Variants in LIG1 observed in about 807,000 individuals in gnomAD.
The protein encoded by LIG1 is DNA ligase 1.
In LIG1, 70 loss-of-function variants were observed where a neutral mutation model predicts 115.7. The ratio of observed to expected loss-of-function variants is 0.60; its 90% CI spans 0.50 to 0.74. The LOEUF (loss-of-function observed/expected upper bound fraction) is 0.74, where lower values mean the gene tolerates loss of function less well. Ranked by LOEUF, LIG1 falls within the 30% of genes least tolerant of loss-of-function variation. LIG1 has a pLI of 0.00. For missense variants in LIG1, 1,115 were observed against 1,225.6 expected (o/e 0.91, Z 1.35); for synonymous variants, 487 against 495.3 (o/e 0.98, Z 0.22).
chr19:48,137,371 G>T lies in LIG1; in HGVS notation c.1254+151C>A. 1.0e-6 allele frequency: 1 copy of T among 989,784 alleles called. No homozygotes were observed. The allele number at this position is 989,784 out of a possible 1,614,324, so 61.3% of individuals were successfully genotyped here. A position where few individuals can be genotyped will look rare whatever the true frequency, so the allele number is the denominator to read the frequency against. The stretch of plus-strand genomic sequence containing the variant: ...CTGAAGAGGAGACTCCCCTAGGATT[G>T]GGTGCAGGAAGGAGGAGAGGAAGCT... On this transcript the variant is annotated intron_variant, in intron 13 of 27. Coordinates refer to ENST00000263274, the MANE Select transcript of LIG1 (RefSeq NM_000234.3). The surrounding 1 kb of genome is among the most constrained non-coding windows in gnomAD (Gnocchi z 4.3).
rs3731014 is a variant in LIG1, at chr19:48,122,535, G to A, written c.2232+399C>T. Among the ~76,000 whole-genome samples, 23,019 of 152,136 alleles carry A rather than the reference G, an allele frequency of 0.15. 2,052 individuals are homozygous for A. Among genetic ancestry groups the A allele is most frequent in the African/African-American group, 0.25 (10,566 of 41,472 alleles). On this transcript the variant is annotated intron_variant, in intron 23 of 27. Transcript: ENST00000263274. This position sits in a 1 kb window ranked among gnomAD's most constrained non-coding sequence, Gnocchi z 4.3. Reference sequence around the variant, plus strand: ...GGGAAAGACTCTTCCTGATCATCCGGGGCACTCCCAGCCCCGCCTTGCTGG... The same window carrying A: ...GGGAAAGACTCTTCCTGATCATCCGAGGCACTCCCAGCCCCGCCTTGCTGG...
chr19:48,132,845 G>A, intron 18 of LIG1, 137 bp downstream of exon 18: 4 of 713,870 alleles, frequency 5.6e-6, no homozygotes, highest in Non-Finnish European at 1.1e-5. Context: ...GGAGGTGGAT[G>A]CTGAAGCCCA....
chr19:48,125,609 C>A lies in LIG1; in HGVS notation c.2004+1668G>T, dbSNP rs530320170. 8.5e-5 allele frequency among the ~76,000 whole-genome samples: 13 copies of A among 152,246 alleles called. No homozygotes were observed. In the South Asian group the frequency reaches 2.7e-3, roughly 32 times the overall value. ...GGAACAAATGCACGCGGCCAACAAA[C>A]CTGAAAAGATGATTGATCATCAATA... On this transcript the variant is annotated intron_variant, in intron 21 of 27. Transcript: ENST00000263274.
Position 48,131,103 on chromosome 19 carries a change from G to A in LIG1, c.1794C>T (p.Tyr598=), listed in dbSNP as rs2122531559. Residue 598 remains tyrosine, a synonymous_variant, in exon 19 of 28, where the codon TAC becomes TAT. Coordinates refer to ENST00000263274, the MANE Select transcript of LIG1 (RefSeq NM_000234.3). ...SRNQEDNTGK[Y]PDIISRIPKI... is the part of the protein sequence containing the mutation. ...TGGGGATGCGGCTGATGATGTCCGG[G>A]TACTTCCCAGTGTTGTCTTCCTGAT... 1 of 1,614,114 alleles carries A rather than the reference G, an allele frequency of 6.2e-7. No individual in the cohort carries two copies. The highest frequency in any genetic ancestry group is 8.5e-7 in the Non-Finnish European group (1 of 1,179,982).
chr19:48,162,413 A>G, intron 2 of LIG1, 62 bp from the exon 3 acceptor site: 6 of 1,085,732 alleles, frequency 5.5e-6, no homozygotes, highest in Non-Finnish European at 8.4e-6. Context: ...CTGCCTATCT[A>G]TGCTGTATCC....
chr19:48,128,992 G>C (rs958515166), intron 19 of LIG1, among the ~76,000 whole-genome samples: 1 of 145,730 alleles, frequency 6.9e-6, no homozygotes, highest in Non-Finnish European at 1.5e-5. Context: ...ACTCCTGACC[G>C]CAAGTGATCT....
chr19:48,156,930 CT>C (rs1327299868), intron 5 of LIG1, 83 bp downstream of exon 5: 7 of 1,224,090 alleles, frequency 5.7e-6, no homozygotes, highest in Non-Finnish European at 6.5e-6. Flanking sequence ...CAGAGCGAGA[CT>C]ATGTCTCAAA....
intron 2 of LIG1, among the ~76,000 whole-genome samples, chr19:48,165,172 T>G (rs1377644808): frequency 6.6e-6 from 1 of 151,966 alleles, no homozygotes; most frequent in Admixed American, 6.6e-5. Flanking sequence ...GGCAGGAGAA[T>G]CACTTGAACT....
Position 48,115,676 on chromosome 19 carries a change from T to C in LIG1, c.2733A>G (p.Ser911=), listed in dbSNP as rs1568468618. 2 of 1,613,998 alleles carry C rather than the reference T, an allele frequency of 1.2e-6. No homozygotes were observed. The highest frequency in any genetic ancestry group is 1.7e-6 in the Non-Finnish European group (2 of 1,179,942). The change falls in exon 28 of 28, where the codon TCA becomes TCG. Residue 911 remains serine, a synonymous_variant. Coordinates refer to ENST00000263274, the MANE Select transcript of LIG1 (RefSeq NM_000234.3). ...SQIQNQQGED[S]GSDPEDTY ...AGTAGGTATCTTCAGGGTCAGAGCC[T>C]GAGTCCTCGCCTTGTTGGTTCTGAA...
At position 48,157,065 on chromosome 19, in the gene LIG1, C is replaced by CA; in HGVS notation, c.318dup (p.Asp107Ter). ...GGGGAACTGTCCATGGGAGAGGTGT[C>CA]AGAGAGGGAAGCATTGTTCTCAGGA... On this transcript the variant is annotated frameshift_variant, in exon 5 of 28. Coordinates refer to ENST00000263274, the MANE Select transcript of LIG1 (RefSeq NM_000234.3). LOFTEE classifies it high-confidence loss of function. The CA allele has an allele frequency of 2.5e-6, 4 of 1,610,326 alleles. No homozygotes were observed. The highest frequency in any genetic ancestry group is 3.4e-6 in the Non-Finnish European group (4 of 1,178,124).
intron 24 of LIG1, chr19:48,120,098 T>C: frequency 1.2e-6 from 1 of 803,364 alleles, no homozygotes; most frequent in South Asian, 5.7e-5. Context: ...GGCCAAAACA[T>C]TTGTGATTTA....
At chr19:48,138,656 G>A (rs2034550903) in intron 12 of LIG1, among the ~76,000 whole-genome samples, 1 of 152,220 alleles carries the variant, frequency 6.6e-6, no homozygotes, top group African/African-American at 2.4e-5. Context: ...CAGTGTGAGT[G>A]TGAACACGAC....
At chr19:48,121,066 G>A (rs2033232635) in intron 24 of LIG1, 104 bp downstream of exon 24, 3 of 1,597,602 alleles carry the variant, frequency 1.9e-6, no homozygotes, top group African/African-American at 1.3e-5. Flanking sequence ...TCCTTCACAG[G>A]GGGATGTGAG....
At chr19:48,143,767 C>T (rs946361088) in intron 10 of LIG1, 116 bp downstream of exon 10, 92 of 1,118,828 alleles carry the variant, frequency 8.2e-5, no homozygotes, top group Non-Finnish European at 1.2e-4. Context: ...TGCTGATTGT[C>T]GCCAAAACAC....
At chr19:48,156,180 A>G (rs1009978688) in intron 5 of LIG1, among the ~76,000 whole-genome samples, 1 of 152,130 alleles carries the variant, frequency 6.6e-6, no homozygotes, top group African/African-American at 2.4e-5. Context: ...CCAGGCCCTC[A>G]GCAGCCCCCA....
At chr19:48,151,677 C>T (rs1488430992) in intron 6 of LIG1, among the ~76,000 whole-genome samples, 6 of 152,098 alleles carry the variant, frequency 3.9e-5, no homozygotes, top group Non-Finnish European at 7.4e-5. Flanking sequence ...GTGAGCCACC[C>T]GCCTTGGCCT....
intron 21 of LIG1, among the ~76,000 whole-genome samples, chr19:48,125,864 T>G (rs1568486467): frequency 6.6e-6 from 1 of 151,566 alleles, no homozygotes; most frequent in Non-Finnish European, 1.5e-5. Context: ...GGTGCACGCC[T>G]GTAATCCCAG....
At position 48,162,353 on chromosome 19, in the gene LIG1, T is replaced by G; in HGVS notation, c.18-2A>C. The G allele has an allele frequency of 1.9e-6, 3 of 1,610,744 alleles. No homozygotes were observed. Among genetic ancestry groups the G allele is most frequent in the Non-Finnish European group, 2.5e-6 (3 of 1,177,554 alleles). ...TCTTTCTTGGGGTGGAAAAATGACC[T>G]AGAGGAGCATAAAAGGGGGTAAAAA... On this transcript the variant is annotated splice_acceptor_variant, in intron 2 of 27. Coordinates refer to ENST00000263274, the MANE Select transcript of LIG1 (RefSeq NM_000234.3). LOFTEE classifies it high-confidence loss of function.
chr19:48,144,517 CTT>C (rs1449399667), intron 9 of LIG1, among the ~76,000 whole-genome samples: 1 of 152,086 alleles, frequency 6.6e-6, no homozygotes, highest in Non-Finnish European at 1.5e-5. Context: ...TTCCTTTTTT[CTT>C]GAGACAGAGT....
Sources: gnomAD v4.1 joint callset for allele counts (sites outside exome capture counted in the v4.1 genomes callset) on GRCh38, gnomAD v4.1.1 for gene constraint, Gnocchi (gnomAD v3.1) non-coding constraint, MANE v1.5 for transcripts, NCBI Gene and HGNC (gene_info 2026-07-23, HGNC 2026-07-21) for gene names.